MED16: variants seen among roughly 807,000 people sequenced by gnomAD.
The protein encoded by MED16 is mediator of RNA polymerase II transcription subunit 16.
MED16 carries 81 observed loss-of-function variants against 84.4 expected under a neutral mutation model. The ratio of observed to expected loss-of-function variants is 0.96; its 90% CI spans 0.80 to 1.15. MED16 has a LOEUF of 1.15. MED16 is among the 50% of genes most tolerant of loss of function. The pLI is 0.00. For missense variants in MED16, 1,585 were observed against 1,245.9 expected (o/e 1.27, Z -4.10); for synonymous variants, 897 against 552.2 (o/e 1.62, Z -8.76).
chr19:882,750 C>A (rs1184915762), intron 6 of MED16, among the ~76,000 whole-genome samples: 1 of 152,258 alleles, frequency 6.6e-6, no homozygotes, highest in Non-Finnish European at 1.5e-5. Flanking sequence ...CTGAGCTGCT[C>A]AGTTTGGGGC....
intron 13 of MED16, among the ~76,000 whole-genome samples, chr19:869,596 AG>A (rs1266820822): frequency 1.3e-5 from 2 of 152,108 alleles, no homozygotes; most frequent in African/African-American, 4.8e-5. Context: ...AGTGAGCACG[AG>A]GAAGAAAATG....
rs866310016 is a variant in MED16 at position 873,023 on chromosome 19, C to G, written c.1905+426G>C. On this transcript the variant is annotated intron_variant, in intron 11 of 15. Coordinates refer to ENST00000325464, the MANE Select transcript of MED16 (RefSeq NM_005481.3). ...GGTGGGGGAGGGCTCCGAGGTGGGGCAGGGCTCCGAGGTGGGGCAGGGCTC... is the reference window on the plus strand; with the variant it reads ...GGTGGGGGAGGGCTCCGAGGTGGGGGAGGGCTCCGAGGTGGGGCAGGGCTC... 5.0e-3 allele frequency: 946 copies of G among 190,312 alleles called. 86 individuals are homozygous for G. Among genetic ancestry groups the G allele is most frequent in the African/African-American group, 0.04 (176 of 4,432 alleles). The allele number at this position is 190,312 out of a possible 1,614,324, so 11.8% of individuals were successfully genotyped here. A position where few individuals can be genotyped will look rare whatever the true frequency, so the allele number is the denominator to read the frequency against.
intron 9 of MED16, 53 bp downstream of exon 9, chr19:876,921 C>CCTGCCACAGGGCCCCCAA (rs1451442004): frequency 1.3e-5 from 20 of 1,535,358 alleles, no homozygotes; most frequent in Non-Finnish European, 1.7e-5. Context: ...GGGGCCCCCA[C>CCTGCCACAGGGCCCCCAA]CTGCCACAGG....
chr19:871,536 A>G, intron 12 of MED16: 1 of 1,576,860 alleles, frequency 6.3e-7, no homozygotes, highest in Non-Finnish European at 8.6e-7. Context: ...AGACACTGGG[A>G]TGTAAGAATG....
chr19:873,407 G>A (rs1393729179), intron 11 of MED16, 42 bp downstream of exon 11: 6 of 1,543,712 alleles, frequency 3.9e-6, no homozygotes, highest in Middle Eastern at 4.6e-4. Flanking sequence ...TGAGATGGGG[G>A]CCCAGGTGGG....
rs117097731 is a variant in MED16, at chr19:880,081, G to C, written c.1209C>G (p.Ala403=). 1 of 1,610,754 alleles carries C rather than the reference G, an allele frequency of 6.2e-7. No individual in the cohort carries two copies. Among genetic ancestry groups the C allele is most frequent in the Non-Finnish European group, 8.5e-7 (1 of 1,179,390 alleles). Residue 403 remains alanine, a synonymous_variant, in exon 8 of 16, where the codon GCC becomes GCG. Coordinates refer to ENST00000325464, the MANE Select transcript of MED16 (RefSeq NM_005481.3). ...IVHRLSLQTM[A]VFYSSAAPRP... is the part of the protein sequence containing the mutation. ...TCGGGGCCGCGGAGCTGTAGAAGAC[G>C]GCCATGGTCTGCAGTGAGAGCCGGT...
In MED16 at chr19:884,889, G is replaced by A. The variant is rs764341441; in HGVS notation, c.985+14C>T. 33 of 1,593,364 alleles carry A rather than the reference G, an allele frequency of 2.1e-5. No homozygotes were observed. Among genetic ancestry groups the A allele is most frequent in the Middle Eastern group, 1.6e-4 (1 of 6,066 alleles). On this transcript the variant is annotated intron_variant, in intron 6 of 15. Coordinates refer to ENST00000325464, the MANE Select transcript of MED16 (RefSeq NM_005481.3). ...GGGCAGGCCCAGGGCCTCCGCAGCC[G>A]GCGGGAGACTCACCCACGGGGGAGA...
rs1418198117 is a variant in MED16, at chr19:871,188, T to TGGGCAGC, written c.2157_2163dup (p.Ser722AlafsTer21). The stretch of plus-strand genomic sequence containing the variant: ...TCCAGGCTGGGGATAAGCAGCTGGC[T>TGGGCAGC]GGGCAGCAGGCAGCATTCATCCACC... On this transcript the variant is annotated frameshift_variant, in exon 13 of 16. Coordinates refer to ENST00000325464, the MANE Select transcript of MED16 (RefSeq NM_005481.3). LOFTEE classifies it high-confidence loss of function. The TGGGCAGC allele has an allele frequency of 1.9e-6, 3 of 1,549,946 alleles. No individual in the cohort carries two copies. Among genetic ancestry groups the TGGGCAGC allele is most frequent in the Non-Finnish European group, 2.6e-6 (3 of 1,146,674 alleles).
intron 10 of MED16, among the ~76,000 whole-genome samples, chr19:874,734 G>A (rs537692783): frequency 2.6e-5 from 4 of 152,134 alleles, no homozygotes; most frequent in Non-Finnish European, 4.4e-5. Flanking sequence ...AAAACCGGGT[G>A]TGGTGGCACG....
chr19:871,514 T>C lies in MED16; in HGVS notation c.2099-261A>G, dbSNP rs2036054446. The C allele has an allele frequency of 3.9e-6, 6 of 1,546,188 alleles. No individual in the cohort carries two copies. The Admixed American group carries it at 5.7e-5, about 15-fold the overall frequency. ...CACTTAAAAAGTATGTGGGAAGCAC[T>C]GTGCCTTTTCCAGACACTGGGATGT... On this transcript the variant is annotated intron_variant, in intron 12 of 15. Transcript: ENST00000325464.
chr19:873,897 C>G (rs2036163204), intron 10 of MED16, among the ~76,000 whole-genome samples: 1 of 152,146 alleles, frequency 6.6e-6, no homozygotes, highest in South Asian at 2.1e-4. Flanking sequence ...CATCTGCCCC[C>G]TGCTCCGAGG....
intron 8 of MED16, among the ~76,000 whole-genome samples, chr19:879,087 C>A (rs1232379887): frequency 1.5e-5 from 2 of 136,222 alleles, no homozygotes; most frequent in African/African-American, 5.5e-5. Context: ...GCCCCACGTG[C>A]CCCAGCAGCT....
chr19:891,499 G>T (rs1251003468), intron 1 of MED16, among the ~76,000 whole-genome samples: 1 of 151,986 alleles, frequency 6.6e-6, no homozygotes, highest in Non-Finnish European at 1.5e-5. Flanking sequence ...GGTGAGTGAT[G>T]ATGGGGGCAG....
chr19:876,432 G>A (rs944825699), intron 9 of MED16, among the ~76,000 whole-genome samples: 5 of 152,070 alleles, frequency 3.3e-5, no homozygotes, highest in Non-Finnish European at 7.4e-5. Flanking sequence ...GTGCATCCTG[G>A]TACCCATCAC....
chr19:870,490 G>A (rs950510937), intron 13 of MED16, among the ~76,000 whole-genome samples: 6 of 151,726 alleles, frequency 4.0e-5, no homozygotes, highest in African/African-American at 1.5e-4. Context: ...GAACCCGAGA[G>A]GCAGACGTTG....
chr19:868,784 C>A, intron 14 of MED16, 79 bp downstream of exon 14: 2 of 1,425,436 alleles, frequency 1.4e-6, no homozygotes, highest in Non-Finnish European at 1.9e-6. Flanking sequence ...CCGTCTGGAG[C>A]GCTGGGTGGG....
intron 8 of MED16, among the ~76,000 whole-genome samples, chr19:879,099 G>A (rs192495047): frequency 3.5e-3 from 87 of 25,022 alleles, no homozygotes; most frequent in African/African-American, 3.1e-3. Flanking sequence ...CCAGCAGCTC[G>A]CCTTCCCCTG....
rs543862190 is a variant in MED16 at position 888,582 on chromosome 19, A to G, written c.447+1056T>C. On this transcript the variant is annotated intron_variant, in intron 4 of 15. Coordinates refer to ENST00000325464, the MANE Select transcript of MED16 (RefSeq NM_005481.3). ...GGTTAGCTATGGTGGTGGCCGCACAACATGGCGAGTGTATACGAAACCTCT... is the reference window on the plus strand; with the variant it reads ...GGTTAGCTATGGTGGTGGCCGCACAGCATGGCGAGTGTATACGAAACCTCT... 7.8e-4 allele frequency among the ~76,000 whole-genome samples: 118 copies of G among 152,102 alleles called. 1 individual carries two copies. Among genetic ancestry groups the G allele is most frequent in the African/African-American group, 2.8e-3 (115 of 41,496 alleles).
intron 9 of MED16, among the ~76,000 whole-genome samples, chr19:876,620 C>T (rs1172002986): frequency 6.6e-6 from 1 of 152,046 alleles, no homozygotes; most frequent in African/African-American, 2.4e-5. Context: ...TCTGGGAGCA[C>T]ACCCCACACG....
Sources: allele counts gnomAD v4.1 joint callset (sites outside exome capture counted in the v4.1 genomes callset), GRCh38; gene constraint gnomAD v4.1.1; transcripts MANE v1.5; gene names NCBI Gene and HGNC (gene_info 2026-07-23, HGNC 2026-07-21).